Variants in IQANK1 observed in about 807,000 individuals in gnomAD.
The protein encoded by IQANK1 is IQ motif and ankyrin repeat containing 1, also known as IQ motif and ankyrin repeat domain-containing protein 1.
A neutral mutation model predicts 22.6 loss-of-function variants in IQANK1; 30 were observed. The ratio of observed to expected loss-of-function variants is 1.33; its 90% CI spans 0.99 to 1.80. IQANK1 has a LOEUF of 1.80. Among genes scored for constraint, IQANK1 ranks in the 40% most tolerant of loss-of-function variants. IQANK1 has a pLI of 0.00. For missense variants in IQANK1, 275 were observed against 235.2 expected, an observed-to-expected ratio of 1.17 and a Z score of -1.11; for synonymous variants, 122 against 99.6, an observed-to-expected ratio of 1.23 and a Z score of -1.34.
At chr8:143,772,290 G>C in intron 6 of IQANK1, 47 bp downstream of exon 6, 1 of 398,338 alleles carries the variant, frequency 2.5e-6, no homozygotes, top group Non-Finnish European at 4.4e-6. Context: ...GCGCGGTCCA[G>C]GGCCCTCAGG....
At chr8:143,761,127 C>T (rs941911630) in intron 3 of IQANK1, among the ~76,000 whole-genome samples, 1 of 152,196 alleles carries the variant, frequency 6.6e-6, no homozygotes, top group Non-Finnish European at 1.5e-5. Flanking sequence ...GGGCGCAGAT[C>T]GGGGTAGGGC....
At chr8:143,790,304 C>G (rs931044501) in intron 13 of IQANK1, 33 bp downstream of exon 13, 15 of 1,231,548 alleles carry the variant, frequency 1.2e-5, no homozygotes, top group Non-Finnish European at 1.5e-5. Flanking sequence ...TACACCCCAC[C>G]CCACCTCCCT....
intron 11 of IQANK1, 38 bp from the exon 12 acceptor site, chr8:143,789,933 C>T (rs951274641): frequency 5.6e-5 from 69 of 1,231,950 alleles, no homozygotes; most frequent in East Asian, 1.3e-4. Context: ...GGTCCGGCGT[C>T]GGGCTTGCCT....
At chr8:143,759,696 G>C (rs1381790881) in intron 3 of IQANK1, 1 of 152,240 alleles carries the variant, frequency 6.6e-6, no homozygotes, top group Non-Finnish European at 1.5e-5. Context: ...CCCAGCTAGG[G>C]AGTCAGGTGG....
intron 7 of IQANK1, among the ~76,000 whole-genome samples, chr8:143,783,762 G>A (rs542384930): frequency 2.0e-5 from 3 of 152,252 alleles, no homozygotes; most frequent in African/African-American, 7.2e-5. Flanking sequence ...CTTGTGCAAG[G>A]TCATGTTCAA....
In IQANK1 at chr8:143,771,371, G is replaced by A. The variant is rs1437262329; in HGVS notation, c.176-117G>A. The A allele has an allele frequency of 2.6e-6, 1 of 381,718 alleles. No homozygotes were observed. The highest frequency in any genetic ancestry group is 4.6e-6 in the Non-Finnish European group (1 of 218,484). 23.6% of individuals were successfully genotyped at this position (381,718 alleles called of 1,614,324 possible). Reference sequence around the variant, plus strand: ...CTCGGCCGCGCTGGGGGCTTTGAGAGCCGTTTGGGTCCTTCTGTCGGGGCG... The same window carrying A: ...CTCGGCCGCGCTGGGGGCTTTGAGAACCGTTTGGGTCCTTCTGTCGGGGCG... On this transcript the variant is annotated intron_variant, in intron 3 of 13. Transcript: ENST00000527139. The surrounding 1 kb of genome is among the most constrained non-coding windows in gnomAD (Gnocchi z 6.0).
At chr8:143,776,327 CA>C (rs57571355) in intron 7 of IQANK1, among the ~76,000 whole-genome samples, 23 of 105,884 alleles carry the variant, frequency 2.2e-4, no homozygotes, top group African/African-American at 6.4e-4. Context: ...GACTCCGTCT[CA>C]AAAAAAAAAA....
At chr8:143,754,060 T>C (rs1160664654) in intron 3 of IQANK1, among the ~76,000 whole-genome samples, 2 of 152,164 alleles carry the variant, frequency 1.3e-5, no homozygotes, top group African/African-American at 4.8e-5. Context: ...TTCCCCAGTA[T>C]ATACAGTTGT....
chr8:143,770,546 C>T (rs1377782039), intron 3 of IQANK1, among the ~76,000 whole-genome samples: 3 of 152,184 alleles, frequency 2.0e-5, no homozygotes, highest in Non-Finnish European at 4.4e-5. Context: ...CGCCTCATCC[C>T]GCCATTCTGC....
At position 143,774,959 on chromosome 8, in the gene IQANK1, G is replaced by A. The variant is rs1554630185; in HGVS notation, c.789+2477G>A. ...GGAGGACAGATCGGAGGGCTGCAGGGGTTACGGATGGGAGTGGGGGCAGGA... is the reference window on the plus strand; with the variant it reads ...GGAGGACAGATCGGAGGGCTGCAGGAGTTACGGATGGGAGTGGGGGCAGGA... On this transcript the variant is annotated intron_variant, in intron 7 of 13. Coordinates refer to ENST00000527139, the MANE Select transcript of IQANK1 (RefSeq NM_001381874.1). This position sits in a 1 kb window ranked among gnomAD's most constrained non-coding sequence, Gnocchi z 4.2. Among the ~76,000 whole-genome samples the A allele has an allele frequency of 6.6e-6, 1 of 152,304 alleles. No individual in the cohort carries two copies. Among genetic ancestry groups the A allele is most frequent in the Non-Finnish European group, 1.5e-5 (1 of 68,040 alleles).
chr8:143,773,306 AAAAAAAAAAAC>A (rs1203533433), intron 7 of IQANK1, among the ~76,000 whole-genome samples: 31 of 138,374 alleles, frequency 2.2e-4, no homozygotes, highest in Admixed American at 2.1e-3. Context: ...GACTCAAAAA[AAAAAAAAAAAC>A]AAAAAAAACA....
intron 3 of IQANK1, chr8:143,759,281 C>T (rs77918290): frequency 0.052 from 8,849 of 170,864 alleles, 485 homozygotes; most frequent in African/African-American, 0.14. Context: ...CTGGTTCATC[C>T]ACGATGAGGA....
At chr8:143,768,303 G>A (rs1236876626) in intron 3 of IQANK1, among the ~76,000 whole-genome samples, 1 of 152,020 alleles carries the variant, frequency 6.6e-6, no homozygotes, top group Non-Finnish European at 1.5e-5. Context: ...CGTTGCCCTC[G>A]ATCACTTAGT....
At chr8:143,755,959 G>A (rs1450751454) in intron 3 of IQANK1, among the ~76,000 whole-genome samples, 1 of 152,196 alleles carries the variant, frequency 6.6e-6, no homozygotes, top group African/African-American at 2.4e-5. Flanking sequence ...CTCTGCTGCT[G>A]CTCATTGATA....
intron 7 of IQANK1, among the ~76,000 whole-genome samples, chr8:143,787,786 C>T (rs530466255): frequency 6.6e-5 from 10 of 151,740 alleles, no homozygotes; most frequent in African/African-American, 2.4e-4. Context: ...ATCCTTCCCA[C>T]GCCACAAACC....
intron 3 of IQANK1, chr8:143,759,574 T>C (rs1819356624): frequency 6.6e-6 from 1 of 152,232 alleles, no homozygotes; most frequent in Non-Finnish European, 1.5e-5. Flanking sequence ...TCATGTCAAT[T>C]TGCTCTGGAA....
chr8:143,771,732 G>A lies in IQANK1; in HGVS notation c.307-69G>A, dbSNP rs1819578253. The A allele has an allele frequency of 5.0e-6, 2 of 397,418 alleles. No individual in the cohort carries two copies. The highest frequency in any genetic ancestry group is 1.3e-4 in the South Asian group (1 of 7,756). The allele number at this position is 397,418 out of a possible 1,614,324, so 24.6% of individuals were successfully genotyped here. A position where few individuals can be genotyped will look rare whatever the true frequency, so the allele number is the denominator to read the frequency against. ...CAGATCGGGCTCCGACCTCAGAGGC[G>A]TGGACCGTGGCCTCGGGGCTCGGGG... On this transcript the variant is annotated intron_variant, in intron 4 of 13. Transcript: ENST00000527139. This position sits in a 1 kb window ranked among gnomAD's most constrained non-coding sequence, Gnocchi z 6.0.
At chr8:143,785,823 T>C (rs1434447846) in intron 7 of IQANK1, among the ~76,000 whole-genome samples, 2 of 151,826 alleles carry the variant, frequency 1.3e-5, no homozygotes, top group Non-Finnish European at 2.9e-5. Flanking sequence ...ACCTCCCAGA[T>C]TCAAGCAATT....
At chr8:143,764,733 T>G (rs1329480561) in intron 3 of IQANK1, among the ~76,000 whole-genome samples, 1 of 152,210 alleles carries the variant, frequency 6.6e-6, no homozygotes, top group Non-Finnish European at 1.5e-5. Flanking sequence ...CAGAAAGAGA[T>G]GGAGAGAGAG....
Sources: gnomAD v4.1 joint callset for allele counts (sites outside exome capture counted in the v4.1 genomes callset) on GRCh38, gnomAD v4.1.1 for gene constraint, Gnocchi (gnomAD v3.1) non-coding constraint, MANE v1.5 for transcripts, NCBI Gene and HGNC (gene_info 2026-07-23, HGNC 2026-07-21) for gene names.